The following ATP2B1 variants were observed in gnomAD, a reference collection of about 807,000 sequenced individuals.
ATP2B1 encodes the protein ATPase plasma membrane Ca2+ transporting 1, also known as plasma membrane calcium-transporting ATPase 1.
A neutral mutation model predicts 124.2 loss-of-function variants in ATP2B1; 14 were observed. That is an observed-to-expected ratio of 0.11 (90% CI 0.07 to 0.18). The LOEUF (loss-of-function observed/expected upper bound fraction) is 0.18. Among genes scored for constraint, ATP2B1 ranks in the 10% least tolerant of loss-of-function variants. The probability of loss-of-function intolerance (pLI) is 1.00; values close to 1 mark genes in which losing one functional copy is unlikely to be tolerated. For synonymous variants in ATP2B1, 449 were observed against 492.4 expected, an observed-to-expected ratio of 0.91 and a Z score of 1.17; for missense variants, 763 against 1,466.1, an observed-to-expected ratio of 0.52 and a Z score of 7.83.
At chr12:89,630,718 A>T in intron 5 of ATP2B1, 73 bp from the exon 6 acceptor site, 1 of 1,148,936 alleles carries the variant, frequency 8.7e-7, no homozygotes, top group Non-Finnish European at 1.2e-6. Context: ...TTCAAACTTC[A>T]GTAATATTGT....
chr12:89,697,977 A>G (rs1891372120), intron 1 of ATP2B1, among the ~76,000 whole-genome samples: 1 of 152,142 alleles, frequency 6.6e-6, no homozygotes, highest in Admixed American at 6.6e-5. Flanking sequence ...GGCTCAAACA[A>G]TTCTCCTGCC....
intron 3 of ATP2B1, among the ~76,000 whole-genome samples, chr12:89,635,969 AG>A (rs1426162798): frequency 1.3e-5 from 2 of 152,192 alleles, no homozygotes; most frequent in African/African-American, 2.4e-5. Flanking sequence ...TGAAGAATTC[AG>A]ATAATAATAC....
At chr12:89,627,565 T>C (rs905588758) in intron 7 of ATP2B1, 113 bp downstream of exon 7, 1 of 1,161,898 alleles carries the variant, frequency 8.6e-7, no homozygotes. Flanking sequence ...AGCTAACGTA[T>C]ATTGTTGATT....
intron 20 of ATP2B1, among the ~76,000 whole-genome samples, chr12:89,596,205 A>G (rs1292088334): frequency 6.6e-6 from 1 of 152,156 alleles, no homozygotes; most frequent in Admixed American, 6.6e-5. Flanking sequence ...TTATTTAAAT[A>G]TTGGTAAATA....
intron 1 of ATP2B1, among the ~76,000 whole-genome samples, chr12:89,698,172 TA>T (rs1157243138): frequency 3.3e-5 from 5 of 152,208 alleles, no homozygotes; most frequent in Non-Finnish European, 7.3e-5. Flanking sequence ...AAATGCTTCC[TA>T]AAGTACTTTT....
chr12:89,667,019 T>TC (rs1157125670), intron 1 of ATP2B1, among the ~76,000 whole-genome samples: 1 of 152,166 alleles, frequency 6.6e-6, no homozygotes, highest in Non-Finnish European at 1.5e-5. Flanking sequence ...AACATGTCTC[T>TC]CCTGGATTTT....
At chr12:89,620,772 T>G (rs1879830661) in intron 10 of ATP2B1, among the ~76,000 whole-genome samples, 1 of 152,156 alleles carries the variant, frequency 6.6e-6, no homozygotes, top group African/African-American at 2.4e-5. Context: ...CACAATGGTA[T>G]TAAGGGCAGA....
intron 9 of ATP2B1, 131 bp from the exon 10 acceptor site, chr12:89,621,922 C>T (rs1386358695): frequency 4.1e-6 from 4 of 984,246 alleles, no homozygotes; most frequent in Non-Finnish European, 5.5e-6. Flanking sequence ...GTATAAAGTA[C>T]CAATGTAATA....
At chr12:89,671,771 GTTTTTT>G (rs34218036) in intron 1 of ATP2B1, among the ~76,000 whole-genome samples, 2 of 139,964 alleles carry the variant, frequency 1.4e-5, no homozygotes, top group Non-Finnish European at 3.1e-5. Flanking sequence ...TCCCAAGGCA[GTTTTTT>G]TTTTTTTTTT....
chr12:89,630,452 C>T, intron 6 of ATP2B1, 53 bp downstream of exon 6: 1 of 1,370,220 alleles, frequency 7.3e-7, no homozygotes, highest in Non-Finnish European at 9.6e-7. Context: ...CTAGTTCTTA[C>T]AAATTATTTG....
chr12:89,654,819 A>G (rs560474027), intron 2 of ATP2B1, among the ~76,000 whole-genome samples: 2 of 152,322 alleles, frequency 1.3e-5, no homozygotes, highest in African/African-American at 4.8e-5. Flanking sequence ...ATATACTAAT[A>G]TACTTTAAAA....
chr12:89,646,430 G>C (rs1420764575), intron 2 of ATP2B1, among the ~76,000 whole-genome samples: 1 of 152,160 alleles, frequency 6.6e-6, no homozygotes, highest in African/African-American at 2.4e-5. Flanking sequence ...TGTTCAAATA[G>C]GGCAAGAGGA....
At chr12:89,672,817 A>C (rs1413295253) in intron 1 of ATP2B1, among the ~76,000 whole-genome samples, 3 of 152,078 alleles carry the variant, frequency 2.0e-5, no homozygotes, top group African/African-American at 7.2e-5. Context: ...TTACCCAACT[A>C]CTGTGAATCA....
At chr12:89,610,549 T>C (rs1417530773) in intron 13 of ATP2B1, 41 bp from the exon 14 acceptor site, 1 of 1,515,280 alleles carries the variant, frequency 6.6e-7, no homozygotes, top group East Asian at 2.3e-5. Flanking sequence ...CCAAACATAG[T>C]TTCTTAAATC....
At chr12:89,611,642 T>C in intron 12 of ATP2B1, 1 of 292,990 alleles carries the variant, frequency 3.4e-6, no homozygotes, top group Non-Finnish European at 6.2e-6. Flanking sequence ...ACAGAAGGCT[T>C]TTTAAAGCAC....
chr12:89,613,603 CATTTGAGATA>C (rs1176302243), intron 12 of ATP2B1, among the ~76,000 whole-genome samples: 2 of 152,318 alleles, frequency 1.3e-5, no homozygotes, highest in East Asian at 3.9e-4. Flanking sequence ...CCTGTTATCT[CATTTGAGATA>C]AAATCTATCT....
intron 1 of ATP2B1, among the ~76,000 whole-genome samples, chr12:89,676,228 C>T (rs1231062474): frequency 6.6e-6 from 1 of 152,066 alleles, no homozygotes; most frequent in Non-Finnish European, 1.5e-5. Flanking sequence ...TTACCCTCAA[C>T]AATAAATAGT....
intron 1 of ATP2B1, among the ~76,000 whole-genome samples, chr12:89,681,786 A>C (rs189729674): frequency 3.9e-5 from 6 of 152,314 alleles, no homozygotes; most frequent in Admixed American, 2.0e-4. Context: ...ATTATAAATT[A>C]TATCCACCTC....
chr12:89,705,852 C>A (rs372483098), intron 1 of ATP2B1, among the ~76,000 whole-genome samples: 1 of 152,076 alleles, frequency 6.6e-6, no homozygotes, highest in East Asian at 1.9e-4. Context: ...AGCTCAATAG[C>A]CAATGCTTTA....
Sources: allele counts gnomAD v4.1 joint callset (sites outside exome capture counted in the v4.1 genomes callset), GRCh38; gene constraint gnomAD v4.1.1; transcripts MANE v1.5; gene names NCBI Gene and HGNC (gene_info 2026-07-23, HGNC 2026-07-21).